The following TGM7 variants were observed in gnomAD, a reference collection of about 807,000 sequenced individuals.
TGM7 encodes protein-glutamine gamma-glutamyltransferase Z.
In TGM7, 74 loss-of-function variants were observed where a neutral mutation model predicts 79.5. The ratio of observed to expected loss-of-function variants is 0.93; its 90% CI spans 0.77 to 1.13. TGM7 has a LOEUF of 1.13. TGM7 is among the 50% of genes most tolerant of loss of function. The pLI, the probability that TGM7 is intolerant of heterozygous loss-of-function variation, is 0.00. For synonymous variants in TGM7, 354 were observed against 362.5 expected (o/e 0.98, Z 0.27); for missense variants, 912 against 905.9 (o/e 1.01, Z -0.09).
At position 43,287,362 on chromosome 15, in the gene TGM7, G is replaced by A; in HGVS notation, c.783C>T (p.Ala261=). The A allele has an allele frequency of 1.2e-6, 2 of 1,614,158 alleles. No homozygotes were observed. The highest frequency in any genetic ancestry group is 1.7e-6 in the Non-Finnish European group (2 of 1,180,004). ...CCCTGGCTGACCACTGCTGTAGGAT[G>A]GCCACACTGCCCTTCCACTCCAGAG... ...VSPLEWKGSV[A]ILQQWSARGG... is the part of the protein sequence containing the mutation. Residue 261 remains alanine, a synonymous_variant, in exon 6 of 13, where the codon GCC becomes GCT. Coordinates refer to ENST00000452443, the MANE Select transcript of TGM7 (RefSeq NM_052955.3).
intron 1 of TGM7, among the ~76,000 whole-genome samples, chr15:43,301,584 C>T (rs1360652043): frequency 6.0e-5 from 9 of 150,122 alleles, no homozygotes; most frequent in South Asian, 4.2e-4. Context: ...GAGCCGAGAT[C>T]GCGCCATTGC....
chr15:43,282,779 G>C (rs960910829), intron 7 of TGM7, among the ~76,000 whole-genome samples, 159 bp from the exon 8 acceptor site: 9 of 152,130 alleles, frequency 5.9e-5, no homozygotes, highest in Non-Finnish European at 7.4e-5. Flanking sequence ...GGCTGGGCGC[G>C]GTGACTCACG....
Position 43,282,532 on chromosome 15 carries a change from G to T in TGM7, c.1093C>A (p.Gln365Lys). 1 of 1,592,604 alleles carries T rather than the reference G, an allele frequency of 6.3e-7. No individual in the cohort carries two copies. Among genetic ancestry groups the T allele is most frequent in the African/African-American group, 1.3e-5 (1 of 74,774 alleles). ...NGWQVLDPTP[Q>K]QTSSGLFCCG... is the part of the protein sequence containing the mutation. ...CCTCACTCACCACTGCTGGTCTGCTGGGGAGTGGGGTCCAGAACCTGCCAC... is the reference window on the plus strand; with the variant it reads ...CCTCACTCACCACTGCTGGTCTGCTTGGGAGTGGGGTCCAGAACCTGCCAC... The change falls in exon 8 of 13, where the codon CAG becomes AAG. Residue 365 changes from glutamine to lysine, a missense_variant. Gln to Lys is a moderately conservative substitution (Grantham distance 53, BLOSUM62 1). Transcript: ENST00000452443.
rs1414336606 is a variant in TGM7 at position 43,293,023 on chromosome 15, C to T, written c.194-69G>A. 8 of 1,564,796 alleles carry T rather than the reference C, an allele frequency of 5.1e-6. No homozygotes were observed. The African/African-American group carries it at 8.2e-5, about 16-fold the overall frequency. On this transcript the variant is annotated intron_variant, in intron 2 of 12. Coordinates refer to ENST00000452443, the MANE Select transcript of TGM7 (RefSeq NM_052955.3). The stretch of plus-strand genomic sequence containing the variant: ...GTATGGTATATGATTCCAGGGGAGT[C>T]GGAAGGACCGTCACCTTCTCCCACC...
At chr15:43,277,296 G>A (rs1266563824) in intron 11 of TGM7, among the ~76,000 whole-genome samples, 2 of 152,210 alleles carry the variant, frequency 1.3e-5, no homozygotes, top group Non-Finnish European at 2.9e-5. Flanking sequence ...GGAAGTGCCA[G>A]CTCCAGTGGG....
At chr15:43,288,554 A>G (rs2042948585) in intron 4 of TGM7, among the ~76,000 whole-genome samples, 1 of 152,028 alleles carries the variant, frequency 6.6e-6, no homozygotes, top group Non-Finnish European at 1.5e-5. Flanking sequence ...AAGAGTCATC[A>G]TCTTTTACAT....
At chr15:43,292,495 T>C (rs990790999) in intron 3 of TGM7, among the ~76,000 whole-genome samples, 14 of 152,354 alleles carry the variant, frequency 9.2e-5, no homozygotes, top group African/African-American at 3.1e-4. Context: ...ATTAGGCTCA[T>C]ATTAGGAAAT....
intron 7 of TGM7, 91 bp from the exon 8 acceptor site, chr15:43,282,711 CT>C (rs1254915994): frequency 1.0e-6 from 1 of 986,908 alleles, no homozygotes; most frequent in Non-Finnish European, 1.5e-6. Context: ...ATCATTGTTT[CT>C]TTTTCTTACT....
intron 6 of TGM7, among the ~76,000 whole-genome samples, chr15:43,285,528 G>T (rs2042931158): frequency 6.6e-6 from 1 of 152,154 alleles, no homozygotes; most frequent in Admixed American, 6.5e-5. Flanking sequence ...GTGTCACGGG[G>T]GGTTGTTGTA....
chr15:43,285,428 A>G (rs1402994639), intron 6 of TGM7, among the ~76,000 whole-genome samples: 1 of 152,164 alleles, frequency 6.6e-6, no homozygotes, highest in East Asian at 1.9e-4. Context: ...TCCAGCTACT[A>G]GGGAGGCTGA....
chr15:43,279,955 C>T lies in TGM7; in HGVS notation c.1352-4G>A, dbSNP rs747434731. On this transcript the variant is annotated splice_polypyrimidine_tract_variant and splice_region_variant and intron_variant, in intron 9 of 12. Transcript: ENST00000452443. ...ACAGCTCTCTCCTCAGGGGATCCTGCAGAAGGGAGAGGTAGGAGAGACATG... is the reference window on the plus strand; with the variant it reads ...ACAGCTCTCTCCTCAGGGGATCCTGTAGAAGGGAGAGGTAGGAGAGACATG... The T allele has an allele frequency of 6.2e-7, 1 of 1,612,222 alleles. No individual in the cohort carries two copies. Among genetic ancestry groups the T allele is most frequent in the Non-Finnish European group, 8.5e-7 (1 of 1,178,832 alleles).
chr15:43,291,893 G>A, intron 4 of TGM7, 86 bp downstream of exon 4: 1 of 979,208 alleles, frequency 1.0e-6, no homozygotes. Flanking sequence ...TGAGGGCTGT[G>A]TAATATAACA....
At chr15:43,289,943 C>T (rs1462451278) in intron 4 of TGM7, among the ~76,000 whole-genome samples, 1 of 152,064 alleles carries the variant, frequency 6.6e-6, no homozygotes, top group Non-Finnish European at 1.5e-5. Flanking sequence ...TGTTTGAGTT[C>T]ATTGTAGATT....
intron 1 of TGM7, 196 bp downstream of exon 1, chr15:43,302,045 C>G (rs117741245): frequency 3.1e-6 from 2 of 641,500 alleles, no homozygotes; most frequent in Non-Finnish European, 2.8e-6. Context: ...GAAAAGAAAA[C>G]GAATGGCTGT....
chr15:43,299,242 T>C (rs148934994), intron 1 of TGM7, among the ~76,000 whole-genome samples: 1 of 152,246 alleles, frequency 6.6e-6, no homozygotes, highest in Non-Finnish European at 1.5e-5. Context: ...GGATCAAAGC[T>C]GAACTTTAGG....
chr15:43,279,379 T>G, intron 10 of TGM7, 102 bp from the exon 11 acceptor site: 1 of 1,340,870 alleles, frequency 7.5e-7, no homozygotes. Flanking sequence ...ACGTGAGAGG[T>G]AAAAGTGTGT....
rs765347876 is a variant in TGM7 at position 43,292,040 on chromosome 15, T to C, written c.497A>G (p.Tyr166Cys). 3.7e-6 allele frequency: 6 copies of C among 1,613,994 alleles called. No individual in the cohort carries two copies. The highest frequency in any genetic ancestry group is 5.1e-6 in the Non-Finnish European group (6 of 1,180,004). ...TTCATGACCCTTGTAAACAAAGCCATAATCTCGCATGATATACTCCTGCAG... is the reference window on the plus strand; with the variant it reads ...TTCATGACCCTTGTAAACAAAGCCACAATCTCGCATGATATACTCCTGCAG... ...ILLQEYIMRDYGFVYKGHERF... is the reference protein window; with the variant it reads ...ILLQEYIMRDCGFVYKGHERF... The change falls in exon 4 of 13, where the codon TAT becomes TGT. Residue 166 changes from tyrosine to cysteine, a missense_variant. Coordinates refer to ENST00000452443, the MANE Select transcript of TGM7 (RefSeq NM_052955.3).
chr15:43,297,589 G>GAAAGAAAGAAAGAAAGAAAT (rs2043004526), intron 1 of TGM7, among the ~76,000 whole-genome samples: 1 of 132,402 alleles, frequency 7.6e-6, no homozygotes, highest in Non-Finnish European at 1.6e-5. Flanking sequence ...TGCATGTATA[G>GAAAGAAAGAAAGAAAGAAAT]AAAGAAAGAA....
At position 43,276,996 on chromosome 15, in the gene TGM7, C is replaced by T; in HGVS notation, c.1840-1G>A. 1 of 1,613,794 alleles carries T rather than the reference C, an allele frequency of 6.2e-7. No homozygotes were observed. The highest frequency in any genetic ancestry group is 8.5e-7 in the Non-Finnish European group (1 of 1,179,898). On this transcript the variant is annotated splice_acceptor_variant, in intron 11 of 12. Transcript: ENST00000452443. LOFTEE classifies it high-confidence loss of function. ...TGCCCACCTCAGCCCTCTCAGACACCTGTGTGGAGAGAAGTCAGCAATCCC... is the reference window on the plus strand; with the variant it reads ...TGCCCACCTCAGCCCTCTCAGACACTTGTGTGGAGAGAAGTCAGCAATCCC...
Sources: gnomAD v4.1 joint callset for allele counts (sites outside exome capture counted in the v4.1 genomes callset) on GRCh38, gnomAD v4.1.1 for gene constraint, MANE v1.5 for transcripts, NCBI Gene and HGNC (gene_info 2026-07-23, HGNC 2026-07-21) for gene names.